Variants in EEPD1 observed in about 807,000 individuals in gnomAD.
EEPD1 encodes endonuclease/exonuclease/phosphatase family domain-containing protein 1.
EEPD1 carries 17 observed loss-of-function variants against 46.3 expected under a neutral mutation model. That is an observed-to-expected ratio of 0.37 (90% confidence interval 0.25 to 0.55). EEPD1 has a LOEUF of 0.55. EEPD1 is among the 20% of genes least tolerant of loss of function. The probability of loss-of-function intolerance (pLI) is 0.83; values close to 1 mark genes in which losing one functional copy is unlikely to be tolerated. For missense variants in EEPD1, 673 were observed against 745.6 expected (o/e 0.90, Z 1.13); for synonymous variants, 313 against 315.6 (o/e 0.99, Z 0.09).
chr7:36,247,378 C>T (rs1481586011), intron 3 of EEPD1, among the ~76,000 whole-genome samples: 1 of 152,106 alleles, frequency 6.6e-6, no homozygotes, highest in South Asian at 2.1e-4. Context: ...TCTCTTATTA[C>T]GTGCTTTTGG....
At chr7:36,227,579 G>A (rs1449476902) in intron 2 of EEPD1, among the ~76,000 whole-genome samples, 1 of 152,208 alleles carries the variant, frequency 6.6e-6, no homozygotes, top group Non-Finnish European at 1.5e-5. Flanking sequence ...AGGCCTGCAT[G>A]TAACACCCAT....
At chr7:36,243,306 TG>T (rs1224881202) in intron 3 of EEPD1, among the ~76,000 whole-genome samples, 3 of 58,352 alleles carry the variant, frequency 5.1e-5, no homozygotes, top group Admixed American at 2.3e-4. Flanking sequence ...CAATTAAGCC[TG>T]GTTTTTTTTT....
At chr7:36,181,407 C>T (rs1217292545) in intron 2 of EEPD1, among the ~76,000 whole-genome samples, 1 of 152,180 alleles carries the variant, frequency 6.6e-6, no homozygotes, top group Admixed American at 6.5e-5. Context: ...AACTCAATGC[C>T]CATCCCAGAG....
chr7:36,202,696 T>C (rs1002206154), intron 2 of EEPD1, among the ~76,000 whole-genome samples: 3 of 152,228 alleles, frequency 2.0e-5, no homozygotes, highest in African/African-American at 7.2e-5. Context: ...CCAAGCCATG[T>C]GCTTTATGTT....
At chr7:36,252,494 T>C (rs2115812425) in intron 3 of EEPD1, among the ~76,000 whole-genome samples, 1 of 152,350 alleles carries the variant, frequency 6.6e-6, no homozygotes, top group South Asian at 2.1e-4. Flanking sequence ...AAACTTTTCC[T>C]GTGAGCTTTC....
At position 36,301,336 on chromosome 7, in the gene EEPD1, A is replaced by G. The variant is rs1409647750; in HGVS notation, c.*2130A>G. On this transcript the variant is annotated 3_prime_UTR_variant, in exon 8 of 8. Transcript: ENST00000242108. ...TTTGTATTTTGTTGTTTTAATTAAT[A>G]GGCTTTATTTGTAAGAGCAGTTTTA... The G allele has an allele frequency of 2.6e-5, 4 of 152,246 alleles. No homozygotes were observed. The highest frequency in any genetic ancestry group is 5.9e-5 in the Non-Finnish European group (4 of 68,048). 9.4% of individuals were successfully genotyped at this position (152,246 alleles called of 1,614,324 possible).
intron 6 of EEPD1, among the ~76,000 whole-genome samples, chr7:36,292,667 C>A (rs1787466814): frequency 6.6e-6 from 1 of 152,070 alleles, no homozygotes; most frequent in South Asian, 2.1e-4. Flanking sequence ...ACCACTATGC[C>A]CAGCTGATTT....
intron 2 of EEPD1, among the ~76,000 whole-genome samples, chr7:36,165,724 A>T (rs540529118): frequency 6.6e-6 from 1 of 152,098 alleles, no homozygotes; most frequent in African/African-American, 2.4e-5. Context: ...GGCGTGAGCC[A>T]CCATGCCCGG....
intron 2 of EEPD1, among the ~76,000 whole-genome samples, chr7:36,186,458 A>C (rs765217814): frequency 6.6e-6 from 1 of 152,214 alleles, no homozygotes; most frequent in Non-Finnish European, 1.5e-5. Context: ...TCTGGCCCCA[A>C]CTTCACACCT....
chr7:36,212,355 C>T (rs1177269771), intron 2 of EEPD1, among the ~76,000 whole-genome samples: 1 of 151,574 alleles, frequency 6.6e-6, no homozygotes, highest in Non-Finnish European at 1.5e-5. Context: ...CCCAATAGGT[C>T]CACCTCTGGA....
intron 3 of EEPD1, among the ~76,000 whole-genome samples, chr7:36,264,683 G>A (rs1015234521): frequency 1.3e-5 from 2 of 152,180 alleles, no homozygotes; most frequent in African/African-American, 4.8e-5. Context: ...GTATGTTGGA[G>A]GGAGCCAGAA....
At chr7:36,220,247 A>C (rs1419544897) in intron 2 of EEPD1, among the ~76,000 whole-genome samples, 1 of 152,202 alleles carries the variant, frequency 6.6e-6, no homozygotes, top group Non-Finnish European at 1.5e-5. Flanking sequence ...CCTTCAGATG[A>C]TGTTTGCAGC....
At chr7:36,281,686 G>A (rs1562711702) in intron 4 of EEPD1, among the ~76,000 whole-genome samples, 1 of 152,132 alleles carries the variant, frequency 6.6e-6, no homozygotes, top group Non-Finnish European at 1.5e-5. Flanking sequence ...TTTTGGTTTT[G>A]AATTTTCTTT....
chr7:36,255,467 ACT>A (rs1786814379), intron 3 of EEPD1, among the ~76,000 whole-genome samples: 1 of 151,384 alleles, frequency 6.6e-6, no homozygotes, highest in Admixed American at 6.6e-5. Context: ...GCTCTTTATT[ACT>A]GCCTCAATTT....
intron 2 of EEPD1, among the ~76,000 whole-genome samples, chr7:36,209,161 G>A (rs1417483178): frequency 6.6e-6 from 1 of 152,170 alleles, no homozygotes; most frequent in Non-Finnish European, 1.5e-5. Flanking sequence ...CTGGGCATGT[G>A]GTAAGCATAC....
At chr7:36,210,817 C>A (rs191382231) in intron 2 of EEPD1, among the ~76,000 whole-genome samples, 3 of 152,336 alleles carry the variant, frequency 2.0e-5, no homozygotes, top group Admixed American at 1.3e-4. Flanking sequence ...AGGAAGCCTT[C>A]CCTGACCACC....
At chr7:36,219,645 AAGG>A (rs892911133) in intron 2 of EEPD1, among the ~76,000 whole-genome samples, 11 of 147,952 alleles carry the variant, frequency 7.4e-5, no homozygotes, top group African/African-American at 2.6e-4. Flanking sequence ...AGAAAAGAAG[AAGG>A]AGGAAGAGGA....
intron 2 of EEPD1, among the ~76,000 whole-genome samples, chr7:36,195,735 G>T (rs534414385): frequency 6.6e-6 from 1 of 152,130 alleles, no homozygotes; most frequent in Non-Finnish European, 1.5e-5. Flanking sequence ...GAAAATTACT[G>T]AGAGTAGATT....
chr7:36,284,761 T>A lies in EEPD1; in HGVS notation c.1117T>A (p.Ser373Thr). 6.2e-7 allele frequency: 1 copy of A among 1,600,414 alleles called. No homozygotes were observed. The highest frequency in any genetic ancestry group is 8.5e-7 in the Non-Finnish European group (1 of 1,172,948). ...ELRDAGSQES[S>T]PSNGHGKLAG... is the part of the protein sequence containing the mutation. ...GAGAGACGCGGGTTCACAGGAGAGC[T>A]CGCCAAGCAACGGGCACGGGAAGCT... Residue 373 changes from serine (S) to threonine (T), a missense_variant, in exon 5 of 8, where the codon TCG (serine) becomes ACG (threonine). Physicochemically the swap from Ser to Thr is moderately conservative, Grantham distance 58. Coordinates refer to ENST00000242108, the MANE Select transcript of EEPD1 (RefSeq NM_030636.3).
Sources: allele counts gnomAD v4.1 joint callset (sites outside exome capture counted in the v4.1 genomes callset), GRCh38; gene constraint gnomAD v4.1.1; transcripts MANE v1.5; gene names NCBI Gene and HGNC (gene_info 2026-07-23, HGNC 2026-07-21).